Variants in SGO2 observed in about 807,000 individuals in gnomAD.
The protein encoded by SGO2 is shugoshin 2, also known as shugoshin-like 2.
Under a neutral mutation model 99.5 loss-of-function variants are expected in SGO2, and 68 were observed. That is an observed-to-expected ratio of 0.68 (90% CI 0.56 to 0.84). The LOEUF (loss-of-function observed/expected upper bound fraction) is 0.84, where lower values mean the gene tolerates loss of function less well. Among genes scored for constraint, SGO2 ranks in the 40% least tolerant of loss-of-function variants. The probability of loss-of-function intolerance (pLI) is 0.00; values close to 1 mark genes in which losing one functional copy is unlikely to be tolerated. For missense variants in SGO2, 1,350 were observed against 1,436.7 expected, an observed-to-expected ratio of 0.94 and a Z score of 0.97; for synonymous variants, 457 against 487.1, an observed-to-expected ratio of 0.94 and a Z score of 0.81.
chr2:200,527,142 C>T (rs1222462785), intron 1 of SGO2, among the ~76,000 whole-genome samples: 1 of 152,126 alleles, frequency 6.6e-6, no homozygotes, highest in Admixed American at 6.5e-5. Flanking sequence ...CTAAAGTTTC[C>T]CTTGGTGAGG....
At chr2:200,578,172 A>AGATATG (rs1006191277) in intron 8 of SGO2, among the ~76,000 whole-genome samples, 1 of 152,110 alleles carries the variant, frequency 6.6e-6, no homozygotes, top group African/African-American at 2.4e-5. Flanking sequence ...ATATAGATAT[A>AGATATG]GATATAGATA....
chr2:200,557,814 G>A (rs1054716624), intron 5 of SGO2, among the ~76,000 whole-genome samples: 1 of 148,002 alleles, frequency 6.8e-6, no homozygotes, highest in African/African-American at 2.5e-5. Context: ...TTGTTTGTTT[G>A]TTTTGTCCAG....
chr2:200,544,877 T>C (rs1471486016), intron 5 of SGO2, among the ~76,000 whole-genome samples: 2 of 152,210 alleles, frequency 1.3e-5, no homozygotes, highest in Non-Finnish European at 2.9e-5. Flanking sequence ...TTTAGCCATT[T>C]TGAGGGATGT....
At chr2:200,568,909 T>TC (rs202116041) in intron 5 of SGO2, among the ~76,000 whole-genome samples, 33,199 of 152,120 alleles carry the variant, frequency 0.22, 3,746 homozygotes, top group South Asian at 0.32. Flanking sequence ...ACCTCTCCGT[T>TC]TATTTTTGTT....
chr2:200,578,823 G>T (rs371364908), intron 8 of SGO2, among the ~76,000 whole-genome samples: 19 of 152,134 alleles, frequency 1.2e-4, no homozygotes, highest in African/African-American at 4.3e-4. Context: ...TCCTCTCATG[G>T]TTTTTCTTTT....
chr2:200,563,075 G>A (rs2033038915), intron 5 of SGO2, among the ~76,000 whole-genome samples: 1 of 152,064 alleles, frequency 6.6e-6, no homozygotes, highest in Non-Finnish European at 1.5e-5. Context: ...TGATTGCCCT[G>A]GCCAGAACTT....
intron 4 of SGO2, among the ~76,000 whole-genome samples, chr2:200,538,392 G>T (rs1024752520): frequency 1.3e-5 from 2 of 152,134 alleles, no homozygotes; most frequent in East Asian, 1.9e-4. Context: ...AAAAGTGACT[G>T]CAGTGAAGCC....
intron 4 of SGO2, among the ~76,000 whole-genome samples, chr2:200,538,761 A>C (rs1574839182): frequency 6.6e-6 from 1 of 152,194 alleles, no homozygotes; most frequent in South Asian, 2.1e-4. Flanking sequence ...TCTTTTTAGT[A>C]TGATGATGAT....
At chr2:200,571,026 G>C in intron 6 of SGO2, 24 bp from the exon 7 acceptor site, 1 of 1,525,840 alleles carries the variant, frequency 6.6e-7, no homozygotes, top group South Asian at 1.3e-5. Flanking sequence ...TTGTTTCTGA[G>C]TTTTGTTTTC....
intron 5 of SGO2, among the ~76,000 whole-genome samples, chr2:200,558,718 G>C (rs1401173455): frequency 1.4e-5 from 2 of 140,266 alleles, no homozygotes; most frequent in East Asian, 4.2e-4. Context: ...GGCAGCATTT[G>C]TGTAGGATTT....
chr2:200,574,756 T>G (rs891326743), intron 7 of SGO2, among the ~76,000 whole-genome samples: 1 of 152,108 alleles, frequency 6.6e-6, no homozygotes, highest in Non-Finnish European at 1.5e-5. Context: ...ATTTACCATG[T>G]GCATGCAGAC....
At chr2:200,527,705 C>T (rs2031167882) in intron 1 of SGO2, among the ~76,000 whole-genome samples, 1 of 152,224 alleles carries the variant, frequency 6.6e-6, no homozygotes, top group African/African-American at 2.4e-5. Context: ...TATCCAGCAG[C>T]TGCTATGTGG....
chr2:200,583,566 T>TG lies in SGO2; in HGVS notation c.*102_*103insG. 3 of 1,093,954 alleles carry TG rather than the reference T, an allele frequency of 2.7e-6. No individual in the cohort carries two copies. The highest frequency in any genetic ancestry group is 3.9e-6 in the Non-Finnish European group (3 of 773,686). 67.8% of individuals were successfully genotyped at this position (1,093,954 alleles called of 1,614,324 possible). A position where few individuals can be genotyped will look rare whatever the true frequency, so the allele number is the denominator to read the frequency against. ...TGAAATGCTTAATGAAAAGGTTTTT[T>TG]TTTTGTTTCTTTGGCCTTTCATGGA... On this transcript the variant is annotated 3_prime_UTR_variant, in exon 9 of 9. Transcript: ENST00000357799.
In SGO2 at chr2:200,572,200, G is replaced by C; in HGVS notation, c.1854G>C (p.Arg618=). ...NINKLRKKVN[R]KTEIISGMNH... Reference sequence around the variant, plus strand: ...ATAAGCTTAGAAAGAAAGTAAACCGGAAGACAGAAATAATTTCTGGAATGA... The same window carrying C: ...ATAAGCTTAGAAAGAAAGTAAACCGCAAGACAGAAATAATTTCTGGAATGA... Residue 618 remains arginine, a synonymous_variant, in exon 7 of 9, where the codon CGG becomes CGC. Coordinates refer to ENST00000357799, the MANE Select transcript of SGO2 (RefSeq NM_152524.6). The C allele has an allele frequency of 1.2e-6, 2 of 1,612,636 alleles. No individual in the cohort carries two copies.
intron 8 of SGO2, among the ~76,000 whole-genome samples, chr2:200,582,654 C>T (rs182690032): frequency 6.6e-6 from 1 of 152,118 alleles, no homozygotes; most frequent in Non-Finnish European, 1.5e-5. Flanking sequence ...CTATTAGAAG[C>T]AAATATTTTG....
rs747775393 is a variant in SGO2 at position 200,553,587 on chromosome 2, T to G, written c.473+10923T>G. Among the ~76,000 whole-genome samples the G allele has an allele frequency of 5.8e-4, 88 of 152,238 alleles. 3 individuals are homozygous for G. The highest frequency in any genetic ancestry group is 1.6e-4 in the Non-Finnish European group (11 of 68,024). ...TCTTCTCTCTCCAGTATCACATTTTTACTAAAGACAAATCATAATAGAACT... is the reference window on the plus strand; with the variant it reads ...TCTTCTCTCTCCAGTATCACATTTTGACTAAAGACAAATCATAATAGAACT... On this transcript the variant is annotated intron_variant, in intron 5 of 8. Transcript: ENST00000357799.
intron 8 of SGO2, among the ~76,000 whole-genome samples, chr2:200,577,773 A>G (rs1223775123): frequency 6.6e-6 from 1 of 151,018 alleles, no homozygotes; most frequent in Admixed American, 6.6e-5. Context: ...ATATTTTCTC[A>G]TGATTGCAAT....
At chr2:200,569,620 T>C (rs750048541) in intron 5 of SGO2, 43 bp from the exon 6 acceptor site, 2 of 1,460,290 alleles carry the variant, frequency 1.4e-6, no homozygotes, top group South Asian at 2.7e-5. Flanking sequence ...AAAGAAAATT[T>C]ATAAAACACA....
At chr2:200,548,040 A>G (rs2032311530) in intron 5 of SGO2, among the ~76,000 whole-genome samples, 1 of 150,474 alleles carries the variant, frequency 6.6e-6, no homozygotes, top group South Asian at 2.1e-4. Context: ...GCAATACAGT[A>G]ATAGTAGGGG....
Sources: gnomAD v4.1 joint callset for allele counts (sites outside exome capture counted in the v4.1 genomes callset) on GRCh38, gnomAD v4.1.1 for gene constraint, MANE v1.5 for transcripts, NCBI Gene and HGNC (gene_info 2026-07-23, HGNC 2026-07-21) for gene names.